Variants in DEPDC5 observed in about 807,000 individuals in gnomAD.
DEPDC5 encodes the protein GATOR1 complex protein DEPDC5.
Under a neutral mutation model 217.3 loss-of-function variants are expected in DEPDC5, and 73 were observed. The observed-to-expected ratio is 0.34, with a 90% confidence interval of 0.28 to 0.41. The LOEUF is 0.41. DEPDC5 is among the 10% of genes least tolerant of loss of function. The pLI, the probability that DEPDC5 is intolerant of heterozygous loss-of-function variation, is 1.00. For synonymous variants in DEPDC5, 733 were observed against 756.7 expected (o/e 0.97, Z 0.51); for missense variants, 1,675 against 2,070.1 (o/e 0.81, Z 3.70).
intron 7 of DEPDC5, among the ~76,000 whole-genome samples, chr22:31,770,377 GTTTT>G (rs1350673462): frequency 6.6e-6 from 1 of 150,696 alleles, no homozygotes; most frequent in African/African-American, 2.4e-5. Flanking sequence ...TTTATGTCTT[GTTTT>G]TTTGTTTTTT....
chr22:31,818,921 C>A, intron 21 of DEPDC5, 101 bp from the exon 22 acceptor site: 2 of 1,203,562 alleles, frequency 1.7e-6, no homozygotes, highest in African/African-American at 1.5e-5. Context: ...ATTTATAATG[C>A]CCAAGATTCT....
At chr22:31,858,093 G>A (rs939851538) in intron 32 of DEPDC5, 13 of 152,272 alleles carry the variant, frequency 8.5e-5, no homozygotes, top group Admixed American at 7.2e-4. Flanking sequence ...AACCTCTTTG[G>A]TTCAATGCCC....
intron 31 of DEPDC5, among the ~76,000 whole-genome samples, chr22:31,855,198 C>A (rs371014502): frequency 6.6e-6 from 1 of 151,906 alleles, no homozygotes; most frequent in East Asian, 1.9e-4. Flanking sequence ...CTTCTGACCT[C>A]GTGATCCACC....
At chr22:31,845,366 C>G in intron 30 of DEPDC5, 129 bp downstream of exon 30, 1 of 1,245,530 alleles carries the variant, frequency 8.0e-7, no homozygotes, top group Non-Finnish European at 1.1e-6. Context: ...ACCTTAAATC[C>G]AAAACAGTGT....
At chr22:31,896,178 C>T (rs1602888410) in intron 39 of DEPDC5, among the ~76,000 whole-genome samples, 1 of 152,158 alleles carries the variant, frequency 6.6e-6, no homozygotes, top group Non-Finnish European at 1.5e-5. Context: ...AGCTGCTAAT[C>T]TCTTTATCAT....
chr22:31,755,167 G>T, intron 2 of DEPDC5, 188 bp downstream of exon 2: 1 of 554,306 alleles, frequency 1.8e-6, no homozygotes, highest in Non-Finnish European at 3.2e-6. Flanking sequence ...TTTGCATTCA[G>T]ACTTTTAAGG....
intron 9 of DEPDC5, chr22:31,784,472 T>C (rs1486998144): frequency 4.4e-6 from 1 of 225,490 alleles, no homozygotes; most frequent in Non-Finnish European, 8.8e-6. Context: ...CTACTAAAAA[T>C]ACAAAAATTA....
At chr22:31,822,491 A>G (rs112145120) in intron 23 of DEPDC5, among the ~76,000 whole-genome samples, 19 of 152,310 alleles carry the variant, frequency 1.2e-4, no homozygotes, top group African/African-American at 4.3e-4. Context: ...TGCCAGGGTC[A>G]CAAGGAGCCG....
intron 24 of DEPDC5, among the ~76,000 whole-genome samples, chr22:31,830,295 T>G (rs1042992801): frequency 1.3e-5 from 2 of 152,260 alleles, no homozygotes; most frequent in African/African-American, 4.8e-5. Flanking sequence ...AGAGCTGAGA[T>G]GACTCTTACC....
rs766583732 is a variant in DEPDC5, at chr22:31,874,349, T to G, written c.3640T>G (p.Leu1214Val). 4 of 1,611,966 alleles carry G rather than the reference T, an allele frequency of 2.5e-6. No homozygotes were observed. The highest frequency in any genetic ancestry group is 3.4e-6 in the Non-Finnish European group (4 of 1,179,138). ...CFISAEVVHW[L>V]VNHVEGIQTQ... ...CATCAGCGCGGAGGTGGTACACTGGTTGGTGAACCACGTGGAGGGGATCCA... is the reference window on the plus strand; with the variant it reads ...CATCAGCGCGGAGGTGGTACACTGGGTGGTGAACCACGTGGAGGGGATCCA... Residue 1214 changes from leucine (L) to valine (V), a missense_variant, in exon 36 of 43, where the codon TTG becomes GTG. Leu to Val is a conservative substitution (Grantham distance 32, BLOSUM62 1). This residue lies in a region of DEPDC5 where 194 missense variants were observed against 199.3 expected (regional missense o/e 0.97). Transcript: ENST00000651528.
At chr22:31,765,100 A>G (rs2082703894) in intron 5 of DEPDC5, 40 bp downstream of exon 5, 1 of 1,496,168 alleles carries the variant, frequency 6.7e-7, no homozygotes, top group Non-Finnish European at 9.3e-7. Flanking sequence ...TTTTGGAATA[A>G]GCACCCTTCC....
At position 31,857,015 on chromosome 22, in the gene DEPDC5, C is replaced by G. The variant is rs116375361; in HGVS notation, c.3156-430C>G. Among the ~76,000 whole-genome samples the G allele has an allele frequency of 3.3e-3, 505 of 152,286 alleles. 2 individuals are homozygous for G. Among genetic ancestry groups the G allele is most frequent in the African/African-American group, 0.012 (490 of 41,550 alleles). On this transcript the variant is annotated intron_variant, in intron 31 of 42. Transcript: ENST00000651528. ...CAAACCCCTGACCTCAGATGATCCA[C>G]CCACCTTGGCTTACCAAAGTGCGGG...
At chr22:31,877,104 C>T (rs1402581990) in intron 37 of DEPDC5, among the ~76,000 whole-genome samples, 1 of 151,594 alleles carries the variant, frequency 6.6e-6, no homozygotes, top group African/African-American at 2.4e-5. Flanking sequence ...GATTGTGCTG[C>T]TGTACTGCAG....
At chr22:31,832,018 T>C (rs1304630823) in intron 24 of DEPDC5, among the ~76,000 whole-genome samples, 4 of 152,256 alleles carry the variant, frequency 2.6e-5, no homozygotes, top group Admixed American at 6.5e-5. Flanking sequence ...CATGGAATCA[T>C]ACAGTATGTA....
At chr22:31,800,777 G>C (rs866106670) in intron 14 of DEPDC5, among the ~76,000 whole-genome samples, 13 of 152,184 alleles carry the variant, frequency 8.5e-5, no homozygotes, top group African/African-American at 2.9e-4. Flanking sequence ...AGGAGTTCAA[G>C]ACCAGCCTGG....
chr22:31,890,818 C>T (rs1278118358), intron 38 of DEPDC5, among the ~76,000 whole-genome samples: 1 of 151,844 alleles, frequency 6.6e-6, no homozygotes, highest in Non-Finnish European at 1.5e-5. Context: ...CTTTGCCTCC[C>T]AGGTTCAAGC....
intron 25 of DEPDC5, among the ~76,000 whole-genome samples, chr22:31,834,641 T>C (rs1428656190): frequency 6.6e-6 from 1 of 151,914 alleles, no homozygotes; most frequent in Non-Finnish European, 1.5e-5. Context: ...CTCAGCCTCT[T>C]GAGTAGCTGG....
At position 31,784,048 on chromosome 22, in the gene DEPDC5, A is replaced by G. The variant is rs2084731103; in HGVS notation, c.562+63A>G. On this transcript the variant is annotated intron_variant, in intron 9 of 42. Coordinates refer to ENST00000651528, the MANE Select transcript of DEPDC5 (RefSeq NM_001242896.3). ...AGAATTTTCTGGAACTGCAAATGCTAATTCATGAATGCCCAGGGTCCCCCA... is the reference window on the plus strand; with the variant it reads ...AGAATTTTCTGGAACTGCAAATGCTGATTCATGAATGCCCAGGGTCCCCCA... 12 of 1,340,490 alleles carry G rather than the reference A, an allele frequency of 9.0e-6. No individual in the cohort carries two copies. The East Asian group carries it at 2.6e-4, about 29-fold the overall frequency. 83.0% of individuals were successfully genotyped at this position (1,340,490 alleles called of 1,614,324 possible).
chr22:31,760,674 C>CAAG lies in DEPDC5; in HGVS notation c.166_168dup (p.Lys56dup). ...TTTTCAGCCCTCTGCTTTTGCAGGT[C>CAAG]AAGTCTCTTAAGGAAGATTTACAGA... On this transcript the variant is annotated inframe_insertion, in exon 4 of 43. Transcript: ENST00000651528. The CAAG allele has an allele frequency of 6.2e-7, 1 of 1,613,248 alleles. No homozygotes were observed. Among genetic ancestry groups the CAAG allele is most frequent in the Non-Finnish European group, 8.5e-7 (1 of 1,179,728 alleles).
Sources: allele counts gnomAD v4.1 joint callset (sites outside exome capture counted in the v4.1 genomes callset), GRCh38; gene constraint gnomAD v4.1.1; regional missense constraint gnomAD v4.1.1; transcripts MANE v1.5; gene names NCBI Gene and HGNC (gene_info 2026-07-23, HGNC 2026-07-21).